Variants in EPHB1 observed in about 807,000 individuals in gnomAD.
The protein encoded by EPHB1 is EPH receptor B1.
EPHB1 carries 30 observed loss-of-function variants against 94.4 expected under a neutral mutation model. The observed-to-expected ratio is 0.32, with a 90% CI of 0.24 to 0.43. EPHB1 has a LOEUF of 0.43. Ranked by LOEUF, EPHB1 falls within the 20% of genes least tolerant of loss-of-function variation. The pLI is 1.00. For missense variants in EPHB1, 1,055 were observed against 1,308.3 expected (o/e 0.81, Z 2.99); for synonymous variants, 522 against 489.1 (o/e 1.07, Z -0.89).
intron 11 of EPHB1, among the ~76,000 whole-genome samples, chr3:135,199,753 T>G (rs1942708721): frequency 6.6e-6 from 1 of 152,242 alleles, no homozygotes; most frequent in South Asian, 2.1e-4. Flanking sequence ...GAACAGAGTT[T>G]CCAACAATTC....
At chr3:135,164,944 A>T (rs573351446) in intron 7 of EPHB1, among the ~76,000 whole-genome samples, 1 of 152,206 alleles carries the variant, frequency 6.6e-6, no homozygotes, top group Non-Finnish European at 1.5e-5. Context: ...TATTTGAGGC[A>T]TACTTATACT....
rs1385600362 is a variant in EPHB1 at position 135,201,484 on chromosome 3, G to A, written c.2141G>A (p.Gly714Glu). ...TATGTCTTATTACAGCAAAATGACG[G>A]GCAGTTCACCGTGATCCAGCTTGTG... is the stretch of plus-strand genomic sequence containing the variant. ...ALDSFLRQND[G>E]QFTVIQLVGM... Residue 714 changes from glycine (G) to glutamate (E), a missense_variant, in exon 12 of 16, where the codon GGG (glycine) becomes GAG (glutamate). Transcript: ENST00000398015. 1 of 1,613,968 alleles carries A rather than the reference G, an allele frequency of 6.2e-7. No homozygotes were observed. The highest frequency in any genetic ancestry group is 8.5e-7 in the Non-Finnish European group (1 of 1,179,986).
chr3:135,112,723 C>T (rs1000900001), intron 4 of EPHB1, among the ~76,000 whole-genome samples: 2 of 151,802 alleles, frequency 1.3e-5, no homozygotes, highest in African/African-American at 4.8e-5. Flanking sequence ...ATGAACTCAT[C>T]ATTTTTTATG....
At chr3:135,022,861 G>T (rs1440936199) in intron 3 of EPHB1, among the ~76,000 whole-genome samples, 1 of 152,130 alleles carries the variant, frequency 6.6e-6, no homozygotes, top group Non-Finnish European at 1.5e-5. Flanking sequence ...CAATAGGGTG[G>T]AGTGTGTTTT....
intron 1 of EPHB1, among the ~76,000 whole-genome samples, chr3:134,807,781 T>A (rs746341574): frequency 6.6e-6 from 1 of 152,060 alleles, no homozygotes; most frequent in Non-Finnish European, 1.5e-5. Flanking sequence ...AGGATGGGGA[T>A]GTACCCAGGG....
At chr3:135,009,616 A>G (rs1428119818) in intron 3 of EPHB1, among the ~76,000 whole-genome samples, 1 of 152,252 alleles carries the variant, frequency 6.6e-6, no homozygotes, top group African/African-American at 2.4e-5. Flanking sequence ...AGGGTTTGCA[A>G]CTACCTGAGA....
intron 4 of EPHB1, among the ~76,000 whole-genome samples, chr3:135,125,875 C>A (rs981076615): frequency 2.6e-5 from 4 of 152,180 alleles, no homozygotes; most frequent in Non-Finnish European, 4.4e-5. Context: ...GCCCCCATTT[C>A]CCTGTCTGCT....
At position 134,951,429 on chromosome 3, in the gene EPHB1, GC is replaced by G. The variant is rs2107715323; in HGVS notation, c.183del (p.Cys61Ter). ...NLNTIRTYQV[C>X]NVFEPNQNNW... is the part of the protein sequence containing the mutation. ...AACACCATCCGCACCTACCAGGTGT[GC>G]AATGTCTTCGAGCCCAACCAGAACA... is the stretch of plus-strand genomic sequence containing the variant. On this transcript the variant is annotated frameshift_variant, in exon 3 of 16. Coordinates refer to ENST00000398015, the MANE Select transcript of EPHB1 (RefSeq NM_004441.5). LOFTEE classifies it high-confidence loss of function. The surrounding 1 kb of genome is among the most constrained non-coding windows in gnomAD (Gnocchi z 4.5). The G allele has an allele frequency of 6.2e-7, 1 of 1,608,036 alleles. No homozygotes were observed. The highest frequency in any genetic ancestry group is 8.5e-7 in the Non-Finnish European group (1 of 1,176,468).
intron 1 of EPHB1, among the ~76,000 whole-genome samples, chr3:134,893,296 G>A (rs2038023666): frequency 6.6e-6 from 1 of 152,220 alleles, no homozygotes; most frequent in Non-Finnish European, 1.5e-5. Context: ...TAACTGAAAT[G>A]AGGAATGAAC....
intron 3 of EPHB1, among the ~76,000 whole-genome samples, chr3:135,038,313 T>G (rs928078601): frequency 1.3e-5 from 2 of 152,262 alleles, no homozygotes; most frequent in Admixed American, 1.3e-4. Context: ...TAATGGACTG[T>G]GGCAAAAGTA....
intron 1 of EPHB1, among the ~76,000 whole-genome samples, chr3:134,882,023 C>T (rs1316217197): frequency 6.6e-6 from 1 of 151,978 alleles, no homozygotes. Flanking sequence ...GGGATGCATC[C>T]AAGACTGTAA....
chr3:135,136,674 A>T (rs1269170732), intron 5 of EPHB1, among the ~76,000 whole-genome samples: 1 of 152,196 alleles, frequency 6.6e-6, no homozygotes, highest in African/African-American at 2.4e-5. Context: ...TGGCCATTTT[A>T]TCCTCAGACT....
At chr3:135,114,265 C>T (rs1291237190) in intron 4 of EPHB1, among the ~76,000 whole-genome samples, 1 of 152,060 alleles carries the variant, frequency 6.6e-6, no homozygotes, top group Non-Finnish European at 1.5e-5. Flanking sequence ...GCTCTGGAGC[C>T]TGTGCCCAGG....
intron 1 of EPHB1, among the ~76,000 whole-genome samples, chr3:134,859,559 G>A (rs11709157): frequency 0.1 from 15,314 of 152,114 alleles, 788 homozygotes; most frequent in Middle Eastern, 0.12. Context: ...CTGAGACCCC[G>A]TTGAGCCTTC....
intron 6 of EPHB1, among the ~76,000 whole-genome samples, chr3:135,155,480 G>A (rs191559329): frequency 4.4e-4 from 67 of 152,170 alleles, no homozygotes; most frequent in Admixed American, 4.4e-3. Context: ...ACAGATGAGA[G>A]AGATTACCAG....
intron 12 of EPHB1, among the ~76,000 whole-genome samples, chr3:135,209,914 G>A (rs1942994272): frequency 1.3e-5 from 2 of 152,196 alleles, no homozygotes; most frequent in African/African-American, 4.8e-5. Flanking sequence ...AATCCCAGAA[G>A]TTCTAGTGGG....
At chr3:135,108,348 G>A (rs757954953) in intron 4 of EPHB1, among the ~76,000 whole-genome samples, 2 of 152,210 alleles carry the variant, frequency 1.3e-5, no homozygotes, top group Non-Finnish European at 2.9e-5. Context: ...ATCTCTTGGG[G>A]CTGGCACACA....
At chr3:135,164,470 A>T (rs1559857815) in intron 7 of EPHB1, among the ~76,000 whole-genome samples, 1 of 152,348 alleles carries the variant, frequency 6.6e-6, no homozygotes, top group East Asian at 1.9e-4. Context: ...CATGTTTAAC[A>T]GTCGGGCTCA....
At chr3:135,208,281 C>T (rs186205748) in intron 12 of EPHB1, among the ~76,000 whole-genome samples, 1 of 139,378 alleles carries the variant, frequency 7.2e-6, no homozygotes, top group Non-Finnish European at 1.5e-5. Context: ...AATGGGAAAC[C>T]TTTCATGACG....
Sources: allele counts gnomAD v4.1 joint callset (sites outside exome capture counted in the v4.1 genomes callset), GRCh38; gene constraint gnomAD v4.1.1; non-coding constraint Gnocchi (gnomAD v3.1); transcripts MANE v1.5; gene names NCBI Gene and HGNC (gene_info 2026-07-23, HGNC 2026-07-21).